Variants in TMEM71 observed in about 807,000 individuals in gnomAD.
The protein encoded by TMEM71 is transmembrane protein 71.
TMEM71 carries 44 observed loss-of-function variants against 38.0 expected under a neutral mutation model. The ratio of observed to expected loss-of-function variants is 1.16; its 90% CI spans 0.91 to 1.49. The LOEUF (loss-of-function observed/expected upper bound fraction) is 1.49, where lower values mean the gene tolerates loss of function less well. Ranked by LOEUF, TMEM71 falls within the 40% of genes most tolerant of loss-of-function variation. The pLI is 0.00. For missense variants in TMEM71, 367 were observed against 348.6 expected, an observed-to-expected ratio of 1.05 and a Z score of -0.42; for synonymous variants, 133 against 122.5, an observed-to-expected ratio of 1.09 and a Z score of -0.56.
At chr8:132,753,175 G>A (rs914076926) in intron 3 of TMEM71, among the ~76,000 whole-genome samples, 1 of 151,992 alleles carries the variant, frequency 6.6e-6, no homozygotes, top group Non-Finnish European at 1.5e-5. Context: ...CTGGAGGGCA[G>A]ATACTGTAAG....
chr8:132,756,925 C>T (rs186690893), intron 3 of TMEM71, among the ~76,000 whole-genome samples: 86 of 151,818 alleles, frequency 5.7e-4, no homozygotes, highest in Admixed American at 1.8e-3. Context: ...CTCTCTCTGT[C>T]GCCCAGGTTG....
At chr8:132,733,802 A>G (rs1055074288) in intron 5 of TMEM71, among the ~76,000 whole-genome samples, 3 of 152,170 alleles carry the variant, frequency 2.0e-5, no homozygotes, top group Admixed American at 6.5e-5. Flanking sequence ...TATGCATCCA[A>G]TGGAATATTA....
the TMEM71 span, among the ~76,000 whole-genome samples, chr8:132,769,362 T>C: frequency 1.3e-5 from 2 of 152,262 alleles, no homozygotes; most frequent in Non-Finnish European, 2.9e-5. Flanking sequence ...TCTGTATCCA[T>C]ATCTGCATCA....
intron 4 of TMEM71, among the ~76,000 whole-genome samples, chr8:132,747,525 T>C (rs913865599): frequency 6.6e-6 from 1 of 152,226 alleles, no homozygotes; most frequent in East Asian, 1.9e-4. Context: ...GTTAAGTCAC[T>C]TGGCTGAGGT....
intron 4 of TMEM71, among the ~76,000 whole-genome samples, chr8:132,748,144 CA>C (rs1013042973): frequency 6.6e-6 from 1 of 152,194 alleles, no homozygotes; most frequent in African/African-American, 2.4e-5. Flanking sequence ...CCATCACAGG[CA>C]AGGTGGGCAT....
At chr8:132,761,723 C>T (rs1829300062), upstream of TMEM71, among the ~76,000 whole-genome samples, 1 of 152,226 alleles carries the variant, frequency 6.6e-6, no homozygotes, top group African/African-American at 2.4e-5. Flanking sequence ...GGCAAAGGTG[C>T]TGAGTTTCCA....
At position 132,714,950 on chromosome 8, in the gene TMEM71, T is replaced by C. The variant is rs114483455; in HGVS notation, c.753-735A>G. 9.6e-3 allele frequency among the ~76,000 whole-genome samples: 1,462 copies of C among 151,994 alleles called. 23 individuals are homozygous for C. The highest frequency in any genetic ancestry group is 0.033 in the African/African-American group (1,370 of 41,510). On this transcript the variant is annotated intron_variant, in intron 7 of 9. Coordinates refer to ENST00000677595, the MANE Select transcript of TMEM71 (RefSeq NM_001382403.1). ...AAGAATATATACAAATGTCAATAAG[T>C]ATAAAAACAGATGTTCAACATCATT...
intron 3 of TMEM71, 100 bp from the exon 4 acceptor site, chr8:132,752,097 T>TCCATGACTGTCAATTACTTCTGCAA: frequency 1.1e-6 from 1 of 940,194 alleles, no homozygotes; most frequent in East Asian, 2.6e-5. Flanking sequence ...CATCTTTGCA[T>TCCATGACTGTCAATTACTTCTGCAA]CCATGACTGT....
At chr8:132,752,468 C>G (rs1468597928) in intron 3 of TMEM71, among the ~76,000 whole-genome samples, 1 of 152,170 alleles carries the variant, frequency 6.6e-6, no homozygotes, top group Non-Finnish European at 1.5e-5. Context: ...GCAAATTTCC[C>G]TCCAGGCTGG....
chr8:132,728,405 T>TC (rs1270071837), intron 5 of TMEM71, among the ~76,000 whole-genome samples: 1 of 152,172 alleles, frequency 6.6e-6, no homozygotes, highest in Non-Finnish European at 1.5e-5. Context: ...ACTTATTCAC[T>TC]ATCATGAGAA....
rs372907202 is a variant in TMEM71, at chr8:132,747,733, A to G, written c.315-619T>C. ...CTGGGAGAAGTGAGTTCTAAGCTGC[A>G]TCAGATGATCTGACCTGTTTATTGA... On this transcript the variant is annotated intron_variant, in intron 4 of 9. Transcript: ENST00000677595. Among the ~76,000 whole-genome samples, 79 of 152,360 alleles carry G rather than the reference A, an allele frequency of 5.2e-4. 1 individual carries two copies. The South Asian group carries it at 0.015, about 29-fold the overall frequency.
the TMEM71 span, among the ~76,000 whole-genome samples, chr8:132,771,001 A>G: frequency 6.6e-6 from 1 of 152,242 alleles, no homozygotes; most frequent in South Asian, 2.1e-4. Flanking sequence ...TAGTTAATGC[A>G]AGAGACACTA....
At chr8:132,729,455 A>T (rs534010240) in intron 5 of TMEM71, among the ~76,000 whole-genome samples, 10 of 152,222 alleles carry the variant, frequency 6.6e-5, no homozygotes, top group Non-Finnish European at 1.5e-5. Flanking sequence ...AATTCGTGCC[A>T]GTTTAGAGCT....
At position 132,752,005 on chromosome 8, in the gene TMEM71, G is replaced by A; in HGVS notation, c.102-8C>T. 1 of 1,612,666 alleles carries A rather than the reference G, an allele frequency of 6.2e-7. No homozygotes were observed. The highest frequency in any genetic ancestry group is 1.1e-5 in the South Asian group (1 of 91,042). ...AGGGAATCACAGGTGAAACTAAGAA[G>A]GAAAAGATAACGCACTTTAAATCTC... On this transcript the variant is annotated splice_polypyrimidine_tract_variant and splice_region_variant and intron_variant, in intron 3 of 9. Transcript: ENST00000677595.
rs36014367 is a variant in TMEM71 at position 132,718,398 on chromosome 8, C to CTTTT, written c.752+3638_752+3641dup. Among the ~76,000 whole-genome samples, 47 of 128,476 alleles carry CTTTT rather than the reference C, an allele frequency of 3.7e-4. 1 individual carries two copies. The highest frequency in any genetic ancestry group is 8.3e-4 in the African/African-American group (28 of 33,760). The allele number at this position is 128,476 out of a possible 152,430, so 84.3% of individuals were successfully genotyped here. A position where few individuals can be genotyped will look rare whatever the true frequency, so the allele number is the denominator to read the frequency against. On this transcript the variant is annotated intron_variant, in intron 7 of 9. Coordinates refer to ENST00000677595, the MANE Select transcript of TMEM71 (RefSeq NM_001382403.1). ...GAATCTCCCTACCTGGGGATTTTCT[C>CTTTT]TTTTTTTTTTTTTTTTTGAGACAGA...
intron 7 of TMEM71, among the ~76,000 whole-genome samples, chr8:132,716,608 T>A (rs1185292817): frequency 1.3e-5 from 2 of 152,202 alleles, no homozygotes; most frequent in Non-Finnish European, 2.9e-5. Context: ...ACATACGGTA[T>A]ATGCAAATAC....
rs1025519346 is a variant in TMEM71, at chr8:132,710,336, G to T, written c.*631C>A. On this transcript the variant is annotated 3_prime_UTR_variant, in exon 10 of 10. Coordinates refer to ENST00000677595, the MANE Select transcript of TMEM71 (RefSeq NM_001382403.1). The stretch of plus-strand genomic sequence containing the variant: ...GAGCCCCAAGAAGATTAAAAACTTG[G>T]TTTAGAACGTGGTTCAAAAGAATAT... 1.3e-5 allele frequency: 2 copies of T among 152,342 alleles called. No individual in the cohort carries two copies. The highest frequency in any genetic ancestry group is 2.9e-5 in the Non-Finnish European group (2 of 68,194). 9.4% of individuals were successfully genotyped at this position (152,342 alleles called of 1,614,324 possible). A position where few individuals can be genotyped will look rare whatever the true frequency, so the allele number is the denominator to read the frequency against.
At chr8:132,730,986 T>C (rs1369168336) in intron 5 of TMEM71, among the ~76,000 whole-genome samples, 1 of 152,174 alleles carries the variant, frequency 6.6e-6, no homozygotes, top group Non-Finnish European at 1.5e-5. Context: ...GACTATCATT[T>C]GCTAAAAAGA....
At chr8:132,743,232 C>A (rs1004994272) in intron 5 of TMEM71, among the ~76,000 whole-genome samples, 24 of 151,858 alleles carry the variant, frequency 1.6e-4, no homozygotes, top group Admixed American at 1.3e-4. Flanking sequence ...TTTGCTTTCA[C>A]CCTCCTTCAC....
Sources: gnomAD v4.1 joint callset for allele counts (sites outside exome capture counted in the v4.1 genomes callset) on GRCh38, gnomAD v4.1.1 for gene constraint, MANE v1.5 for transcripts, NCBI Gene and HGNC (gene_info 2026-07-23, HGNC 2026-07-21) for gene names.